ALG14: variants seen among roughly 807,000 people sequenced by gnomAD.
The protein encoded by ALG14 is ALG14 UDP-N-acetylglucosaminyltransferase subunit, also known as UDP-N-acetylglucosamine transferase subunit ALG14.
In ALG14, 17 loss-of-function variants were observed where a neutral mutation model predicts 22.8. The ratio of observed to expected loss-of-function variants is 0.75; its 90% CI spans 0.51 to 1.12. ALG14 has a LOEUF of 1.12. Ranked by LOEUF, ALG14 falls within the 50% of genes most tolerant of loss-of-function variation. The pLI is 0.00. For synonymous variants in ALG14, 89 were observed against 103.7 expected, an observed-to-expected ratio of 0.86 and a Z score of 0.86; for missense variants, 288 against 271.8, an observed-to-expected ratio of 1.06 and a Z score of -0.42.
At chr1:94,989,784 T>A (rs1302430650) in intron 3 of ALG14, among the ~76,000 whole-genome samples, 4 of 152,262 alleles carry the variant, frequency 2.6e-5, no homozygotes, top group Non-Finnish European at 5.9e-5. Context: ...TTCCAAGAGT[T>A]CTCAATAGCC....
At chr1:95,063,467 GTA>G (rs1249088154) in intron 2 of ALG14, among the ~76,000 whole-genome samples, 1 of 152,162 alleles carries the variant, frequency 6.6e-6, no homozygotes, top group African/African-American at 2.4e-5. Context: ...GTTAGTTTCT[GTA>G]TAAAGTGTAA....
chr1:95,055,476 G>C (rs1470180014), intron 2 of ALG14, among the ~76,000 whole-genome samples: 1 of 151,890 alleles, frequency 6.6e-6, no homozygotes, highest in East Asian at 1.9e-4. Flanking sequence ...AGATATGCAA[G>C]ACTCTTATAA....
Position 94,978,843 on chromosome 1 carries a change from T to TCA in ALG14, c.*4232_*4233insTG, listed in dbSNP as rs1571566455. The TCA allele has an allele frequency of 1.0e-5, 1 of 96,652 alleles. No homozygotes were observed. Among genetic ancestry groups the TCA allele is most frequent in the East Asian group, 6.0e-4 (1 of 1,670 alleles). The allele number at this position is 96,652 out of a possible 1,614,324, so 6.0% of individuals were successfully genotyped here. A position where few individuals can be genotyped will look rare whatever the true frequency, so the allele number is the denominator to read the frequency against. Reference sequence around the variant, plus strand: ...TTTGAGGACATTTTTTCTTTTTTCTTTAAAAAAAAAAAAAAACACCTAACG... The same window carrying TCA: ...TTTGAGGACATTTTTTCTTTTTTCTTCATAAAAAAAAAAAAAAACACCTAACG... On this transcript the variant is annotated 3_prime_UTR_variant, in exon 4 of 4. Transcript: ENST00000370205.
At chr1:95,033,416 TATATAC>T (rs751701162) in intron 2 of ALG14, among the ~76,000 whole-genome samples, 10 of 128,822 alleles carry the variant, frequency 7.8e-5, no homozygotes, top group South Asian at 2.9e-4. Context: ...TATATATATA[TATATAC>T]ACACACACAC....
At chr1:95,006,377 G>A (rs1333484604) in intron 3 of ALG14, among the ~76,000 whole-genome samples, 1 of 152,064 alleles carries the variant, frequency 6.6e-6, no homozygotes, top group Non-Finnish European at 1.5e-5. Context: ...TTTAGGATAG[G>A]AAAAGGCATG....
Position 95,072,915 on chromosome 1 carries a change from T to C in ALG14, c.-17A>G. On this transcript the variant is annotated 5_prime_UTR_variant, in exon 1 of 4. An upstream start codon of the reference 5' UTR is lost. Coordinates refer to ENST00000370205, the MANE Select transcript of ALG14 (RefSeq NM_144988.4). ...GCACACCATGCAGAGAAACGGCGCA[T>C]GCGTCCAACTTCCGGGGACCAGCCG... 6.2e-7 allele frequency: 1 copy of C among 1,613,366 alleles called. No homozygotes were observed. Among genetic ancestry groups the C allele is most frequent in the Non-Finnish European group, 8.5e-7 (1 of 1,179,848 alleles).
chr1:95,059,430 CTTGT>C (rs1043799634), intron 2 of ALG14, among the ~76,000 whole-genome samples: 20 of 140,976 alleles, frequency 1.4e-4, no homozygotes, highest in African/African-American at 4.9e-4. Context: ...ACATATTATT[CTTGT>C]TTATTTGGAA....
intron 2 of ALG14, among the ~76,000 whole-genome samples, chr1:95,057,055 C>CAAAAAAAAAAAAAAAAAAAAA: frequency 9.9e-6 from 1 of 100,676 alleles, no homozygotes; most frequent in Non-Finnish European, 1.9e-5. Context: ...GATTCTGGCT[C>CAAAAAAAAAAAAAAAAAAAAA]AAAAAAAAAA....
intron 2 of ALG14, among the ~76,000 whole-genome samples, chr1:95,035,272 C>A (rs1450806738): frequency 6.6e-6 from 1 of 152,158 alleles, no homozygotes; most frequent in Non-Finnish European, 1.5e-5. Context: ...GCAAAATTTA[C>A]CTGTCTTCAA....
chr1:95,058,128 A>G (rs1675000698), intron 2 of ALG14, among the ~76,000 whole-genome samples: 1 of 151,316 alleles, frequency 6.6e-6, no homozygotes, highest in South Asian at 2.1e-4. Flanking sequence ...TCTACTAAAA[A>G]TACAAAAATT....
At chr1:94,984,218 G>C (rs72964551) in intron 3 of ALG14, among the ~76,000 whole-genome samples, 2,899 of 152,238 alleles carry the variant, frequency 0.019, 105 homozygotes, top group African/African-American at 0.067. Context: ...CATAAAACAA[G>C]AGGTTTGTGA....
rs1042760884 is a variant in ALG14, at chr1:94,982,210, C to T, written c.*866G>A. The T allele has an allele frequency of 1.3e-5, 2 of 150,800 alleles. No homozygotes were observed. Among genetic ancestry groups the T allele is most frequent in the African/African-American group, 4.9e-5 (2 of 40,906 alleles). The allele number at this position is 150,800 out of a possible 1,614,324, so 9.3% of individuals were successfully genotyped here. A position where few individuals can be genotyped will look rare whatever the true frequency, so the allele number is the denominator to read the frequency against. On this transcript the variant is annotated 3_prime_UTR_variant, in exon 4 of 4. Coordinates refer to ENST00000370205, the MANE Select transcript of ALG14 (RefSeq NM_144988.4). The stretch of plus-strand genomic sequence containing the variant: ...GTGCAATCTCGGCTCACTGCAGCCT[C>T]TGCCTCCCGGGTTCAAGCGATTCTC...
At chr1:95,036,157 G>A (rs149381791) in intron 2 of ALG14, among the ~76,000 whole-genome samples, 267 of 152,228 alleles carry the variant, frequency 1.8e-3, no homozygotes, top group Admixed American at 3.0e-3. Flanking sequence ...TAGTTTGGTT[G>A]TGTCCCCACC....
At chr1:95,022,515 G>T in intron 3 of ALG14, 2 of 269,836 alleles carry the variant, frequency 7.4e-6, no homozygotes, top group Non-Finnish European at 1.1e-5. Context: ...CTTTAAGGAG[G>T]CTGCCAAATT....
intron 2 of ALG14, among the ~76,000 whole-genome samples, chr1:95,034,512 C>T (rs1674120407): frequency 6.6e-6 from 1 of 152,202 alleles, no homozygotes; most frequent in African/African-American, 2.4e-5. Flanking sequence ...AAGATGCTGG[C>T]TCTTAACCTC....
At chr1:94,999,347 T>A (rs1356234820) in intron 3 of ALG14, among the ~76,000 whole-genome samples, 1 of 131,184 alleles carries the variant, frequency 7.6e-6, no homozygotes, top group South Asian at 2.5e-4. Context: ...AGACCCATTT[T>A]TTTTTTTTTT....
chr1:95,018,077 A>T (rs979326431), intron 3 of ALG14, among the ~76,000 whole-genome samples: 25 of 152,218 alleles, frequency 1.6e-4, no homozygotes, highest in African/African-American at 6.0e-4. Flanking sequence ...ACTGACAAAG[A>T]TGAGAGTAAA....
intron 2 of ALG14, among the ~76,000 whole-genome samples, chr1:95,043,853 G>C (rs189764801): frequency 2.2e-4 from 34 of 151,940 alleles, no homozygotes; most frequent in Middle Eastern, 3.4e-3. Context: ...GGGAGAGGGA[G>C]AAGGGAATGA....
chr1:95,009,624 A>C (rs778955807), intron 3 of ALG14, among the ~76,000 whole-genome samples: 34 of 152,182 alleles, frequency 2.2e-4, no homozygotes, highest in Non-Finnish European at 3.4e-4. Flanking sequence ...AAAATAATTG[A>C]TCAGTATTCA....
Sources: allele counts gnomAD v4.1 joint callset (sites outside exome capture counted in the v4.1 genomes callset), GRCh38; gene constraint gnomAD v4.1.1; transcripts MANE v1.5; gene names NCBI Gene and HGNC (gene_info 2026-07-23, HGNC 2026-07-21).